The following LRIG3 variants were observed in gnomAD, a reference collection of about 807,000 sequenced individuals.
LRIG3 encodes the protein leucine-rich repeats and immunoglobulin-like domains protein 3.
A neutral mutation model predicts 114.5 loss-of-function variants in LRIG3; 76 were observed. The ratio of observed to expected loss-of-function variants is 0.66; its 90% CI spans 0.55 to 0.80. LRIG3 has a LOEUF of 0.80. LRIG3 is among the 30% of genes least tolerant of loss of function. The pLI is 0.00. For synonymous variants in LRIG3, 512 were observed against 519.8 expected, an observed-to-expected ratio of 0.98 and a Z score of 0.20; for missense variants, 1,239 against 1,382.8, an observed-to-expected ratio of 0.90 and a Z score of 1.65.
In LRIG3 at chr12:58,877,681, A is replaced by T; in HGVS notation, c.2255T>A (p.Leu752Gln). 6.2e-7 allele frequency: 1 copy of T among 1,614,184 alleles called. No individual in the cohort carries two copies. Among genetic ancestry groups the T allele is most frequent in the Non-Finnish European group, 8.5e-7 (1 of 1,180,036 alleles). Residue 752 changes from leucine to glutamine, a missense_variant, in exon 15 of 19, where the codon CTG (leucine) becomes CAG (glutamine). By Grantham distance (113) the Leu-to-Gln change is moderately radical (BLOSUM62 -2). Transcript: ENST00000320743. ...RHFFAAGNQL[L>Q]IIVDSDVSDA... The stretch of plus-strand genomic sequence containing the variant: ...ACTGACATCTGAGTCCACAATAATC[A>T]GAAGCTGATTGCCTGCTGCAAAAAA...
At chr12:58,883,270 G>T (rs1013437426) in intron 11 of LRIG3, among the ~76,000 whole-genome samples, 1 of 152,152 alleles carries the variant, frequency 6.6e-6, no homozygotes, top group African/African-American at 2.4e-5. Context: ...CCTTACAACT[G>T]AAAAAATTAC....
intron 3 of LRIG3, among the ~76,000 whole-genome samples, chr12:58,912,195 T>A (rs540311717): frequency 4.3e-4 from 65 of 152,298 alleles, no homozygotes; most frequent in African/African-American, 1.3e-3. Context: ...AGTTATAACG[T>A]TAAAGTGTAA....
chr12:58,908,158 G>A lies in LRIG3; in HGVS notation c.383+5824C>T, dbSNP rs142446036. ...GCATGATGTGATGGAACCACATCTC[G>A]CGGCATTAGGTTCCAAGCCAGCAGA... On this transcript the variant is annotated intron_variant, in intron 3 of 18. Transcript: ENST00000320743. Among the ~76,000 whole-genome samples the A allele has an allele frequency of 9.4e-3, 1,428 of 152,244 alleles. 3 individuals are homozygous for A. Among genetic ancestry groups the A allele is most frequent in the Middle Eastern group, 0.024 (7 of 294 alleles).
intron 12 of LRIG3, among the ~76,000 whole-genome samples, chr12:58,881,423 A>G (rs2888236): frequency 0.035 from 5,215 of 149,032 alleles, 141 homozygotes; most frequent in Non-Finnish European, 0.051. Flanking sequence ...GTAGAGGCAA[A>G]AAAAAAAAAA....
chr12:58,895,462 G>C (rs151131101), intron 3 of LRIG3, among the ~76,000 whole-genome samples: 55 of 152,334 alleles, frequency 3.6e-4, no homozygotes, highest in Middle Eastern at 3.4e-3. Context: ...GGGCAAGTGA[G>C]AGCAGAGCAA....
intron 1 of LRIG3, 198 bp from the exon 2 acceptor site, chr12:58,914,534 G>C (rs1872405393): frequency 1.8e-6 from 1 of 544,926 alleles, no homozygotes; most frequent in Non-Finnish European, 3.2e-6. Flanking sequence ...TAGGGAGACT[G>C]GCAGATTCAA....
intron 1 of LRIG3, among the ~76,000 whole-genome samples, chr12:58,919,190 C>G (rs995708553): frequency 6.6e-6 from 1 of 152,186 alleles, no homozygotes; most frequent in Non-Finnish European, 1.5e-5. Flanking sequence ...ATCAGCATTT[C>G]CAACTAAATT....
chr12:58,873,985 C>A, intron 18 of LRIG3, 70 bp downstream of exon 18: 1 of 1,541,206 alleles, frequency 6.5e-7, no homozygotes, highest in South Asian at 1.2e-5. Flanking sequence ...TCAAGGCTGT[C>A]ATTGCTCTCT....
Position 58,890,029 on chromosome 12 carries a change from G to T in LRIG3, c.626C>A (p.Pro209His). ...LNRNRISAIPPKMFKLPQLQH... is the reference protein window; with the variant it reads ...LNRNRISAIPHKMFKLPQLQH... ...CAGTTGGGGCAGTTTAAACATCTTG[G>T]GTGGGATAGCTGAGATTCGGTTCCT... Residue 209 changes from proline to histidine, a missense_variant, in exon 5 of 19, where the codon CCC (proline) becomes CAC (histidine). Physicochemically the swap from Pro to His is moderately conservative, Grantham distance 77. Coordinates refer to ENST00000320743, the MANE Select transcript of LRIG3 (RefSeq NM_153377.5). 1 of 1,613,746 alleles carries T rather than the reference G, an allele frequency of 6.2e-7. No individual in the cohort carries two copies. Among genetic ancestry groups the T allele is most frequent in the Non-Finnish European group, 8.5e-7 (1 of 1,179,800 alleles).
intron 6 of LRIG3, 103 bp downstream of exon 6, chr12:58,888,713 GGAT>G (rs1440260497): frequency 1.4e-6 from 2 of 1,437,958 alleles, no homozygotes; most frequent in Non-Finnish European, 1.9e-6. Flanking sequence ...ATAAGATTGT[GGAT>G]GATGAGATTT....
intron 5 of LRIG3, among the ~76,000 whole-genome samples, 176 bp downstream of exon 5, chr12:58,889,820 C>T (rs1871392193): frequency 6.6e-6 from 1 of 151,940 alleles, no homozygotes; most frequent in African/African-American, 2.4e-5. Context: ...CACGAGGTGA[C>T]GAGATGATGT....
chr12:58,907,092 C>A (rs915347629), intron 3 of LRIG3, among the ~76,000 whole-genome samples: 2 of 152,170 alleles, frequency 1.3e-5, no homozygotes, highest in Non-Finnish European at 2.9e-5. Context: ...ACGCTCCACA[C>A]ATCCTGAAAC....
Position 58,888,911 on chromosome 12 carries a change from G to A in LRIG3, c.711C>T (p.Gly237=), listed in dbSNP as rs150859961. Residue 237 remains glycine, a synonymous_variant, in exon 6 of 19, where the codon GGC becomes GGT. Coordinates refer to ENST00000320743, the MANE Select transcript of LRIG3 (RefSeq NM_153377.5). ...TTTTCAGAGACTTCAGAGCACCAAG[G>A]CCTTGGAATGTCAGTCCATCTACAT... ...IKNVDGLTFQ[G]LGALKSLKMQ... The A allele has an allele frequency of 1.2e-6, 2 of 1,613,732 alleles. No individual in the cohort carries two copies. Among genetic ancestry groups the A allele is most frequent in the Non-Finnish European group, 8.5e-7 (1 of 1,179,800 alleles).
chr12:58,880,049 C>T (rs1314906430), intron 13 of LRIG3, among the ~76,000 whole-genome samples: 2 of 152,130 alleles, frequency 1.3e-5, no homozygotes, highest in African/African-American at 4.8e-5. Context: ...TCCCAGCCAG[C>T]ACTTTGTGAG....
intron 12 of LRIG3, among the ~76,000 whole-genome samples, chr12:58,881,430 A>G (rs1163457645): frequency 6.6e-6 from 1 of 151,910 alleles, no homozygotes; most frequent in African/African-American, 2.4e-5. Context: ...CAAAAAAAAA[A>G]AAAAAAAAAG....
rs1565617909 is a variant in LRIG3, at chr12:58,890,709, A to C, written c.471T>G (p.Ile157Met). ...CTGGAAATGCAGTTTGGAGCTCTGA[A>C]ATATTGTTGCTGCTAAGGTCCAAAG... ...LETLDLSSNNISELQTAFPAL... is the reference protein window; with the variant it reads ...LETLDLSSNNMSELQTAFPAL... The change falls in exon 4 of 19, where the codon ATT (isoleucine) becomes ATG (methionine). Residue 157 changes from isoleucine (I) to methionine (M), a missense_variant. Ile to Met is a conservative substitution (Grantham distance 10). Transcript: ENST00000320743. The C allele has an allele frequency of 6.2e-7, 1 of 1,608,454 alleles. No homozygotes were observed. Among genetic ancestry groups the C allele is most frequent in the Non-Finnish European group, 8.5e-7 (1 of 1,177,772 alleles).
chr12:58,900,979 C>A (rs1871828144), intron 3 of LRIG3, among the ~76,000 whole-genome samples: 2 of 152,184 alleles, frequency 1.3e-5, no homozygotes, highest in African/African-American at 4.8e-5. Context: ...GTGCTGTCGA[C>A]ATTTGTATGA....
chr12:58,889,545 A>G (rs1871381985), intron 5 of LRIG3, among the ~76,000 whole-genome samples: 1 of 152,094 alleles, frequency 6.6e-6, no homozygotes, highest in African/African-American at 2.4e-5. Context: ...AAAGCTCCCC[A>G]AGTGTTTGTA....
At chr12:58,880,088 C>A (rs143329830) in intron 13 of LRIG3, among the ~76,000 whole-genome samples, 3 of 152,098 alleles carry the variant, frequency 2.0e-5, no homozygotes, top group East Asian at 3.9e-4. Context: ...CAAGGTCAGG[C>A]GTTCGAGACC....
Sources: gnomAD v4.1 joint callset for allele counts (sites outside exome capture counted in the v4.1 genomes callset) on GRCh38, gnomAD v4.1.1 for gene constraint, MANE v1.5 for transcripts, NCBI Gene and HGNC (gene_info 2026-07-23, HGNC 2026-07-21) for gene names.